The following CFAP20DC variants were observed in gnomAD, a reference collection of about 807,000 sequenced individuals.
The protein encoded by CFAP20DC is CFAP20 domain containing.
CFAP20DC carries 84 observed loss-of-function variants against 101.7 expected under a neutral mutation model. The ratio of observed to expected loss-of-function variants is 0.83; its 90% CI spans 0.69 to 0.99. The LOEUF (loss-of-function observed/expected upper bound fraction) is 0.99, where lower values mean the gene tolerates loss of function less well. Among genes scored for constraint, CFAP20DC ranks in the 50% least tolerant of loss-of-function variants. CFAP20DC has a pLI of 0.00. For missense variants in CFAP20DC, 1,007 were observed against 970.3 expected, an observed-to-expected ratio of 1.04 and a Z score of -0.50; for synonymous variants, 359 against 351.2, an observed-to-expected ratio of 1.02 and a Z score of -0.25.
intron 4 of CFAP20DC, among the ~76,000 whole-genome samples, chr3:59,012,748 T>A (rs549671943): frequency 6.6e-6 from 1 of 152,178 alleles, no homozygotes; most frequent in Non-Finnish European, 1.5e-5. Context: ...TAGCAATTGA[T>A]CAAAGAAAAA....
chr3:59,043,663 C>T (rs1699609173), intron 3 of CFAP20DC, among the ~76,000 whole-genome samples: 1 of 151,876 alleles, frequency 6.6e-6, no homozygotes, highest in Non-Finnish European at 1.5e-5. Context: ...ACAATGGTTT[C>T]AAACATGAGC....
intron 4 of CFAP20DC, among the ~76,000 whole-genome samples, chr3:58,949,889 C>T (rs982328858): frequency 1.6e-4 from 24 of 152,148 alleles, no homozygotes; most frequent in Non-Finnish European, 2.8e-4. Flanking sequence ...CTCACCACTC[C>T]TATTCAACAT....
At chr3:58,887,501 GT>G (rs1344594123) in intron 6 of CFAP20DC, 3 of 152,180 alleles carry the variant, frequency 2.0e-5, no homozygotes, top group African/African-American at 4.8e-5. Context: ...CAAGGATACA[GT>G]GGCATACAAA....
chr3:58,751,904 A>G (rs539957790), intron 16 of CFAP20DC, among the ~76,000 whole-genome samples: 4 of 151,254 alleles, frequency 2.6e-5, no homozygotes, highest in African/African-American at 9.8e-5. Flanking sequence ...GGCTAAATGT[A>G]ATGACTTGGT....
intron 3 of CFAP20DC, among the ~76,000 whole-genome samples, chr3:58,720,676 C>T (rs539125478): frequency 1.1e-4 from 16 of 152,288 alleles, no homozygotes; most frequent in South Asian, 2.1e-4. Context: ...CATTACAGCT[C>T]GGACTATAAT....
intron 3 of CFAP20DC, among the ~76,000 whole-genome samples, chr3:59,042,264 G>A (rs1699458280): frequency 6.6e-6 from 1 of 152,060 alleles, no homozygotes; most frequent in African/African-American, 2.4e-5. Context: ...TGGGCTGATA[G>A]GAGAGACAGA....
chr3:59,033,008 C>T (rs529827677), intron 4 of CFAP20DC, among the ~76,000 whole-genome samples: 56 of 152,228 alleles, frequency 3.7e-4, no homozygotes, highest in African/African-American at 7.0e-4. Flanking sequence ...AAGGAACAGG[C>T]GGCAATCTTT....
intron 4 of CFAP20DC, among the ~76,000 whole-genome samples, chr3:58,960,740 C>T (rs551778416): frequency 6.6e-6 from 1 of 152,096 alleles, no homozygotes; most frequent in African/African-American, 2.4e-5. Context: ...TTCCTTTTTC[C>T]TTTGCAATAA....
intron 4 of CFAP20DC, among the ~76,000 whole-genome samples, chr3:59,020,093 T>C (rs1177176642): frequency 6.6e-6 from 1 of 152,062 alleles, no homozygotes; most frequent in Non-Finnish European, 1.5e-5. Context: ...TTGGAAAACA[T>C]AGATATTTTA....
chr3:58,998,438 T>C (rs900703695), intron 4 of CFAP20DC, among the ~76,000 whole-genome samples: 5 of 152,188 alleles, frequency 3.3e-5, no homozygotes, highest in African/African-American at 1.2e-4. Context: ...ATACAGTACT[T>C]AGCATAGAAC....
intron 4 of CFAP20DC, among the ~76,000 whole-genome samples, chr3:59,029,446 G>A (rs151168085): frequency 7.9e-4 from 120 of 152,224 alleles, no homozygotes; most frequent in African/African-American, 2.7e-3. Context: ...GCTGAGATGA[G>A]GAGGCTGAAG....
chr3:58,767,184 T>C (rs1423952523), intron 15 of CFAP20DC, among the ~76,000 whole-genome samples: 6 of 152,200 alleles, frequency 3.9e-5, no homozygotes. Context: ...ATTGAAAGTC[T>C]CCATAACAAT....
Position 58,989,043 on chromosome 3 carries a change from A to G in CFAP20DC, c.278+50514T>C, listed in dbSNP as rs564430004. On this transcript the variant is annotated intron_variant, in intron 4 of 16. Coordinates refer to ENST00000482387, the MANE Select transcript of CFAP20DC (RefSeq NM_001394063.1). ...TGCATTTAAACAATACTAAATGTAA[A>G]ATTAATGATAAACTGGCAGAAATAA... is the stretch of plus-strand genomic sequence containing the variant. Among the ~76,000 whole-genome samples, 4 of 152,288 alleles carry G rather than the reference A, an allele frequency of 2.6e-5. No homozygotes were observed. In the East Asian group the frequency reaches 7.7e-4, roughly 29 times the overall value.
intron 7 of CFAP20DC, among the ~76,000 whole-genome samples, chr3:58,873,440 T>C (rs1195373238): frequency 6.6e-6 from 1 of 150,880 alleles, no homozygotes; most frequent in Non-Finnish European, 1.5e-5. Flanking sequence ...ATAGCCATTC[T>C]GGATGCTGTA....
At chr3:58,862,645 C>T (rs2079346972) in intron 12 of CFAP20DC, 2 of 985,128 alleles carry the variant, frequency 2.0e-6, no homozygotes, top group Non-Finnish European at 2.4e-6. Flanking sequence ...CTGTGCCTCA[C>T]TGTCCAAAAA....
At chr3:58,779,640 T>C (rs986267570) in intron 15 of CFAP20DC, among the ~76,000 whole-genome samples, 3 of 152,116 alleles carry the variant, frequency 2.0e-5, no homozygotes, top group Non-Finnish European at 4.4e-5. Flanking sequence ...AGGTAGCTAT[T>C]TTGAAATGAC....
At chr3:58,959,966 A>G (rs1433743834) in intron 4 of CFAP20DC, among the ~76,000 whole-genome samples, 2 of 152,040 alleles carry the variant, frequency 1.3e-5, no homozygotes, top group Non-Finnish European at 2.9e-5. Flanking sequence ...CCTTTGTTAA[A>G]TTTTCTGGTT....
intron 5 of CFAP20DC, among the ~76,000 whole-genome samples, chr3:58,926,380 G>C (rs1199613621): frequency 6.6e-6 from 1 of 150,616 alleles, no homozygotes; most frequent in Non-Finnish European, 1.5e-5. Flanking sequence ...AAAAAAAGAA[G>C]AAGAAGAAGA....
downstream of CFAP20DC, among the ~76,000 whole-genome samples, chr3:58,738,893 C>T (rs1453391092): frequency 6.6e-6 from 1 of 152,178 alleles, no homozygotes; most frequent in Non-Finnish European, 1.5e-5. The surrounding 1 kb of genome is among the most constrained non-coding windows in gnomAD (Gnocchi z 4.4). Context: ...AGCTCAGAAA[C>T]TTCCAGAAGC....
Sources: allele counts gnomAD v4.1 joint callset (sites outside exome capture counted in the v4.1 genomes callset), GRCh38; gene constraint gnomAD v4.1.1; non-coding constraint Gnocchi (gnomAD v3.1); transcripts MANE v1.5; gene names NCBI Gene and HGNC (gene_info 2026-07-23, HGNC 2026-07-21).